Variants in PLXNA4 observed in about 807,000 individuals in gnomAD.
PLXNA4 encodes plexin A4.
In PLXNA4, 44 loss-of-function variants were observed where a neutral mutation model predicts 191.8. The observed-to-expected ratio is 0.23, with a 90% CI of 0.18 to 0.29. PLXNA4 has a LOEUF of 0.29. Among genes scored for constraint, PLXNA4 ranks in the 10% least tolerant of loss-of-function variants. The probability of loss-of-function intolerance (pLI) is 1.00; values close to 1 mark genes in which losing one functional copy is unlikely to be tolerated. For missense variants in PLXNA4, 1,800 were observed against 2,488.8 expected, an observed-to-expected ratio of 0.72 and a Z score of 5.89; for synonymous variants, 1,082 against 1,009.5, an observed-to-expected ratio of 1.07 and a Z score of -1.36.
At chr7:132,311,449 T>A (rs1170673740) in intron 3 of PLXNA4, among the ~76,000 whole-genome samples, 1 of 152,138 alleles carries the variant, frequency 6.6e-6, no homozygotes, top group Non-Finnish European at 1.5e-5. Flanking sequence ...GGCTACATGT[T>A]ATTCATCTTA....
In PLXNA4 at chr7:132,146,686, A is replaced by G. The variant is rs745957051; in HGVS notation, c.4879T>C (p.Tyr1627His). 1.2e-6 allele frequency: 2 copies of G among 1,614,074 alleles called. No individual in the cohort carries two copies. Among genetic ancestry groups the G allele is most frequent in the Non-Finnish European group, 1.7e-6 (2 of 1,179,966 alleles). Reference sequence around the variant, plus strand: ...CGGAGGCTGTCGGGGCTGCCCGTGTACCGGATCATGTTTTCTGCCAAGGCA... The same window carrying G: ...CGGAGGCTGTCGGGGCTGCCCGTGTGCCGGATCATGTTTTCTGCCAAGGCA... Reference protein sequence around the residue: ...SASKYENMIRYTGSPDSLRSR... With the variant: ...SASKYENMIRHTGSPDSLRSR... The change falls in exon 28 of 32, where the codon TAC (tyrosine) becomes CAC (histidine). Residue 1627 changes from tyrosine (Y) to histidine (H), a missense_variant. Coordinates refer to ENST00000321063, the MANE Select transcript of PLXNA4 (RefSeq NM_020911.2).
chr7:132,146,671 C>T lies in PLXNA4; in HGVS notation c.4894G>A (p.Asp1632Asn), dbSNP rs758764974. ...ENMIRYTGSPDSLRSRTPMIT... is the reference protein window; with the variant it reads ...ENMIRYTGSPNSLRSRTPMIT... Reference sequence around the variant, plus strand: ...ATAGGTGTCCGTGAGCGGAGGCTGTCGGGGCTGCCCGTGTACCGGATCATG... The same window carrying T: ...ATAGGTGTCCGTGAGCGGAGGCTGTTGGGGCTGCCCGTGTACCGGATCATG... Residue 1632 changes from aspartate to asparagine, a missense_variant, in exon 28 of 32, where the codon GAC becomes AAC. By Grantham distance (23) the Asp-to-Asn change is conservative. Around this residue, in one of 6 missense-constraint regions of PLXNA4, gnomAD observed 214 missense variants for 298.2 expected, o/e 0.72. Coordinates refer to ENST00000321063, the MANE Select transcript of PLXNA4 (RefSeq NM_020911.2). 9 of 1,614,052 alleles carry T rather than the reference C, an allele frequency of 5.6e-6. No individual in the cohort carries two copies. Among genetic ancestry groups the T allele is most frequent in the South Asian group, 2.2e-5 (2 of 91,078 alleles).
intron 9 of PLXNA4, 107 bp downstream of exon 9, chr7:132,223,420 G>T (rs1411093894): frequency 2.3e-6 from 2 of 885,064 alleles, no homozygotes; most frequent in Non-Finnish European, 1.8e-6. Context: ...AGAAGGGGGT[G>T]GTCCTGCACA....
chr7:132,439,729 C>G (rs1299193895), intron 3 of PLXNA4, among the ~76,000 whole-genome samples: 1 of 152,136 alleles, frequency 6.6e-6, no homozygotes, highest in Non-Finnish European at 1.5e-5. Context: ...AGGTGACCAA[C>G]CAAAGTTTGC....
chr7:132,496,706 C>G (rs968543908), intron 2 of PLXNA4, among the ~76,000 whole-genome samples: 1 of 152,294 alleles, frequency 6.6e-6, no homozygotes, highest in South Asian at 2.1e-4. Flanking sequence ...GGCTAAAAAA[C>G]TGATCTTAAG....
At chr7:132,406,991 T>C (rs913040929) in intron 3 of PLXNA4, among the ~76,000 whole-genome samples, 3 of 152,138 alleles carry the variant, frequency 2.0e-5, no homozygotes, top group African/African-American at 7.2e-5. Context: ...CCAAACGGGA[T>C]TTCCACTTTC....
chr7:132,571,399 G>A (rs752986095), intron 1 of PLXNA4, among the ~76,000 whole-genome samples: 10 of 152,202 alleles, frequency 6.6e-5, no homozygotes, highest in East Asian at 1.9e-4. Context: ...ACCAACATGC[G>A]ATGAGTCTCT....
At chr7:132,635,190 A>G (rs1199161811) in intron 2 of PLXNA4, among the ~76,000 whole-genome samples, 3 of 148,072 alleles carry the variant, frequency 2.0e-5, no homozygotes, top group Admixed American at 2.0e-4. Context: ...ATATATATAT[A>G]TATATATATA....
At position 132,241,072 on chromosome 7, in the gene PLXNA4, T is replaced by C. The variant is rs1314562257; in HGVS notation, c.1598A>G (p.His533Arg). The C allele has an allele frequency of 6.2e-7, 1 of 1,611,310 alleles. No individual in the cohort carries two copies. Among genetic ancestry groups the C allele is most frequent in the African/African-American group, 1.3e-5 (1 of 74,898 alleles). Residue 533 changes from histidine to arginine, a missense_variant, in exon 5 of 32, where the codon CAC (histidine) becomes CGC (arginine). This residue lies in a region of PLXNA4 where 1,397 missense variants were observed against 1,880.4 expected (regional missense o/e 0.74). Coordinates refer to ENST00000321063, the MANE Select transcript of PLXNA4 (RefSeq NM_020911.2). ...GCCTCCCCATGGTACTCACGTGTTGTGCAGCACACACCAGCCACAGTGGGG... is the reference window on the plus strand; with the variant it reads ...GCCTCCCCATGGTACTCACGTGTTGCGCAGCACACACCAGCCACAGTGGGG... ...GDPHCGWCVLHNTCTRKERCE... is the reference protein window; with the variant it reads ...GDPHCGWCVLRNTCTRKERCE...
chr7:132,494,988 A>G (rs1282019412), intron 2 of PLXNA4, among the ~76,000 whole-genome samples: 1 of 152,082 alleles, frequency 6.6e-6, no homozygotes, highest in African/African-American at 2.4e-5. Flanking sequence ...GGATCTCCCC[A>G]AGAACTCTAG....
chr7:132,154,505 G>A (rs1795737364), intron 25 of PLXNA4, among the ~76,000 whole-genome samples: 1 of 152,032 alleles, frequency 6.6e-6, no homozygotes, highest in South Asian at 2.1e-4. Flanking sequence ...TATTTGCACT[G>A]AAGGTACTAG....
At chr7:132,174,298 G>T (rs1796385654) in intron 21 of PLXNA4, among the ~76,000 whole-genome samples, 1 of 152,080 alleles carries the variant, frequency 6.6e-6, no homozygotes, top group Non-Finnish European at 1.5e-5. Flanking sequence ...AGAAGAGAGG[G>T]TTATGATTTC....
chr7:132,395,845 C>A (rs1793735038), intron 3 of PLXNA4, among the ~76,000 whole-genome samples: 1 of 152,226 alleles, frequency 6.6e-6, no homozygotes, highest in African/African-American at 2.4e-5. Flanking sequence ...AGCCTGATTC[C>A]AAATTAGAGT....
intron 10 of PLXNA4, among the ~76,000 whole-genome samples, chr7:132,204,761 T>A (rs1797556440): frequency 6.6e-6 from 1 of 152,176 alleles, no homozygotes. Flanking sequence ...GTCTGCACCC[T>A]ATTTGTAGGA....
At chr7:132,411,417 C>T (rs17221969) in intron 3 of PLXNA4, among the ~76,000 whole-genome samples, 5,102 of 152,274 alleles carry the variant, frequency 0.034, 116 homozygotes, top group Non-Finnish European at 0.051. Flanking sequence ...GGGTATGTTA[C>T]GGGCTTGGCT....
rs547836839 is a variant in PLXNA4 at position 132,593,200 on chromosome 7, C to T, written c.-87+52728G>A. Among the ~76,000 whole-genome samples, 51 of 152,344 alleles carry T rather than the reference C, an allele frequency of 3.3e-4. No individual in the cohort carries two copies. In the South Asian group the frequency reaches 6.4e-3, roughly 19 times the overall value. On this transcript the variant is annotated intron_variant, in intron 2 of 4. Transcript: ENST00000378539. ...AAGCTGTTTACCCACACAATTGACGCGCAGCGTGGGCTGTTGTGGAATCTA... is the reference window on the plus strand; with the variant it reads ...AAGCTGTTTACCCACACAATTGACGTGCAGCGTGGGCTGTTGTGGAATCTA...
rs149636428 is a variant in PLXNA4, at chr7:132,629,106, A to T, written c.-87+16822T>A. 5.3e-3 allele frequency among the ~76,000 whole-genome samples: 804 copies of T among 152,250 alleles called. 7 individuals carry two copies. The highest frequency in any genetic ancestry group is 0.019 in the African/African-American group (776 of 41,540). On this transcript the variant is annotated intron_variant, in intron 2 of 4. Transcript: ENST00000378539. ...TTGTAAGGAGACCCCAAGTGGTAATACCTTTAGATCTTTTCTCTTGGGTGG... is the reference window on the plus strand; with the variant it reads ...TTGTAAGGAGACCCCAAGTGGTAATTCCTTTAGATCTTTTCTCTTGGGTGG...
intron 3 of PLXNA4, chr7:132,365,778 C>G (rs1437848812): frequency 6.6e-6 from 1 of 152,256 alleles, no homozygotes; most frequent in Admixed American, 6.5e-5. Context: ...AACTCAATTC[C>G]TTTGAGAACG....
intron 3 of PLXNA4, among the ~76,000 whole-genome samples, chr7:132,376,963 C>T (rs1348807711): frequency 2.0e-5 from 3 of 152,220 alleles, no homozygotes; most frequent in Non-Finnish European, 4.4e-5. Context: ...AGAAACTTAT[C>T]TTCCTGCATT....
Sources: gnomAD v4.1 joint callset for allele counts (sites outside exome capture counted in the v4.1 genomes callset) on GRCh38, gnomAD v4.1.1 for gene constraint, gnomAD v4.1.1 regional missense constraint, MANE v1.5 for transcripts, NCBI Gene and HGNC (gene_info 2026-07-23, HGNC 2026-07-21) for gene names.